The following AGAP3 variants were observed in gnomAD, a reference collection of about 807,000 sequenced individuals.
AGAP3 encodes arf-GAP with GTPase, ANK repeat and PH domain-containing protein 3.
AGAP3 carries 24 observed loss-of-function variants against 96.9 expected under a neutral mutation model. That is an observed-to-expected ratio of 0.25 (90% CI 0.18 to 0.35). AGAP3 has a LOEUF of 0.35. AGAP3 is among the 10% of genes least tolerant of loss of function. The probability of loss-of-function intolerance (pLI) is 1.00; values close to 1 mark genes in which losing one functional copy is unlikely to be tolerated. For synonymous variants in AGAP3, 563 were observed against 536.1 expected (o/e 1.05, Z -0.69); for missense variants, 876 against 1,254.2 (o/e 0.70, Z 4.55).
intron 1 of AGAP3, among the ~76,000 whole-genome samples, chr7:151,106,343 AT>A (rs1245652608): frequency 6.6e-6 from 1 of 152,058 alleles, no homozygotes; most frequent in Non-Finnish European, 1.5e-5. Context: ...TAAATTATTT[AT>A]TTTTTTGAGA....
At position 151,086,972 on chromosome 7, in the gene AGAP3, G is replaced by A. The variant is rs987638770; in HGVS notation, c.231G>A (p.Glu77=). ...TCCGGGCCGAGATCCAGCGCTTCGA[G>A]TCCGTGCATCCCAATATCTACGCCA... ...AAIRAEIQRF[E]SVHPNIYAIY... Residue 77 remains glutamate, a synonymous_variant, in exon 1 of 18, where the codon GAG becomes GAA. Coordinates refer to ENST00000397238, the MANE Select transcript of AGAP3 (RefSeq NM_031946.7). The A allele has an allele frequency of 6.2e-6, 10 of 1,612,796 alleles. No homozygotes were observed. The highest frequency in any genetic ancestry group is 7.6e-6 in the Non-Finnish European group (9 of 1,179,508).
At chr7:151,104,621 T>C (rs1261806228) in intron 1 of AGAP3, among the ~76,000 whole-genome samples, 1 of 152,100 alleles carries the variant, frequency 6.6e-6, no homozygotes, top group African/African-American at 2.4e-5. Flanking sequence ...GGTTCCCCGG[T>C]TGGAAGAGCA....
In AGAP3 at chr7:151,118,110, C is replaced by T; in HGVS notation, c.707-100C>T. ...CTTGGTGCTCTGTGTGTTCCACTCA[C>T]CAGGCCCTTTGCACACCTGCCCTTG... On this transcript the variant is annotated intron_variant, in intron 5 of 17. Transcript: ENST00000397238. This position sits in a 1 kb window ranked among gnomAD's most constrained non-coding sequence, Gnocchi z 6.1. 6.8e-7 allele frequency: 1 copy of T among 1,468,448 alleles called. No homozygotes were observed. The highest frequency in any genetic ancestry group is 9.2e-7 in the Non-Finnish European group (1 of 1,082,714). 91.0% of individuals were successfully genotyped at this position (1,468,448 alleles called of 1,614,324 possible). A position where few individuals can be genotyped will look rare whatever the true frequency, so the allele number is the denominator to read the frequency against.
At chr7:151,126,047 CGGGCGGGTGGGTGGGGTG>C (rs1357400753) in intron 9 of AGAP3, among the ~76,000 whole-genome samples, 1 of 11,446 alleles carries the variant, frequency 8.7e-5, no homozygotes, top group Non-Finnish European at 1.7e-4. Context: ...TTCCCGGGAG[CGGGCGGGTGGGTGGGGTG>C]GGGCGGGGCT....
rs1800733852 is a variant in AGAP3, at chr7:151,139,404, C to CG, written c.1667-573dup. On this transcript the variant is annotated intron_variant, in intron 12 of 17. Transcript: ENST00000397238. The surrounding 1 kb of genome is among the most constrained non-coding windows in gnomAD (Gnocchi z 4.9). ...GCCAGGGGCCCTTCCCTTGGGTCAC[C>CG]GGTCCGGTGGCCTGTGCTGGCCTGC... is the stretch of plus-strand genomic sequence containing the variant. 6.6e-6 allele frequency among the ~76,000 whole-genome samples: 1 copy of CG among 152,176 alleles called. No individual in the cohort carries two copies. The highest frequency in any genetic ancestry group is 1.5e-5 in the Non-Finnish European group (1 of 68,032).
intron 8 of AGAP3, chr7:151,120,753 C>T: frequency 8.3e-7 from 1 of 1,199,732 alleles, no homozygotes; most frequent in Non-Finnish European, 1.1e-6. Flanking sequence ...CAGGTTTGTC[C>T]TGTCTCCTTG....
chr7:151,128,480 C>T (rs2288650), intron 9 of AGAP3, 100 bp from the exon 10 acceptor site: 693,804 of 960,294 alleles, frequency 0.72, 251,585 homozygotes, highest in Admixed American at 0.81. Flanking sequence ...CCAGGAGAAG[C>T]GGGGAGGGGG....
In AGAP3 at chr7:151,086,939, C is replaced by T; in HGVS notation, c.198C>T (p.Ser66=). Reference sequence around the variant, plus strand: ...CCCAGCAGTTCGCGCTCTCCAACTCCGCGGCCATCCGGGCCGAGATCCAGC... The same window carrying T: ...CCCAGCAGTTCGCGCTCTCCAACTCTGCGGCCATCCGGGCCGAGATCCAGC... ...GPPQQFALSN[S]AAIRAEIQRF... is the part of the protein sequence containing the mutation. Residue 66 remains serine, a synonymous_variant, in exon 1 of 18, where the codon TCC becomes TCT. Coordinates refer to ENST00000397238, the MANE Select transcript of AGAP3 (RefSeq NM_031946.7). 6.2e-7 allele frequency: 1 copy of T among 1,610,276 alleles called. No homozygotes were observed. The highest frequency in any genetic ancestry group is 8.5e-7 in the Non-Finnish European group (1 of 1,178,570).
In AGAP3 at chr7:151,117,166, G is replaced by A; in HGVS notation, c.462G>A (p.Gln154=). Residue 154 remains glutamine (Q), a synonymous_variant, in exon 3 of 18, where the codon CAG becomes CAA. Coordinates refer to ENST00000397238, the MANE Select transcript of AGAP3 (RefSeq NM_031946.7). The part of the protein sequence containing the change: ...VHRYLTGTYV[Q]EESPEGGRFK... ...GCTATCTGACGGGGACCTATGTCCA[G>A]GAGGAGTCCCCTGAAGGTGAGCGTC... The A allele has an allele frequency of 6.2e-7, 1 of 1,613,924 alleles. No individual in the cohort carries two copies. Among genetic ancestry groups the A allele is most frequent in the Non-Finnish European group, 8.5e-7 (1 of 1,179,820 alleles).
chr7:151,117,408 G>C lies in AGAP3; in HGVS notation c.516G>C (p.Gln172His). Reference sequence around the variant, plus strand: ...AGAAGGAGATTGTGGTGGATGGCCAGAGTTACCTGCTGCTGATCCGAGATG... The same window carrying C: ...AGAAGGAGATTGTGGTGGATGGCCACAGTTACCTGCTGCTGATCCGAGATG... Reference protein sequence around the residue: ...RFKKEIVVDGQSYLLLIRDEG... With the variant: ...RFKKEIVVDGHSYLLLIRDEG... Residue 172 changes from glutamine (Q) to histidine (H), a missense_variant, in exon 4 of 18, where the codon CAG becomes CAC. Transcript: ENST00000397238. 1 of 1,614,216 alleles carries C rather than the reference G, an allele frequency of 6.2e-7. No homozygotes were observed. The highest frequency in any genetic ancestry group is 1.1e-5 in the South Asian group (1 of 91,082).
chr7:151,120,482 A>G (rs1277828571), intron 8 of AGAP3: 3 of 641,988 alleles, frequency 4.7e-6, no homozygotes, highest in Admixed American at 4.4e-5. Context: ...CCTTGGACTC[A>G]CTTGGCCTAA....
At chr7:151,129,991 C>T (rs1322596065) in intron 10 of AGAP3, among the ~76,000 whole-genome samples, 1 of 152,230 alleles carries the variant, frequency 6.6e-6, no homozygotes, top group Non-Finnish European at 1.5e-5. Context: ...GGAGACTGCA[C>T]CAGCGTCTTC....
At chr7:151,126,882 AGCAGGATGTGTCT>A (rs1160776888) in intron 9 of AGAP3, among the ~76,000 whole-genome samples, 1 of 152,230 alleles carries the variant, frequency 6.6e-6, no homozygotes, top group Non-Finnish European at 1.5e-5. Flanking sequence ...GGGGCCAGGT[AGCAGGATGTGTCT>A]GCACATGGCC....
chr7:151,123,082 G>A, intron 8 of AGAP3: 2 of 1,214,532 alleles, frequency 1.6e-6, no homozygotes, highest in Non-Finnish European at 2.1e-6. Flanking sequence ...CCAGAGGGGC[G>A]GGGGAGTCCA....
intron 10 of AGAP3, among the ~76,000 whole-genome samples, chr7:151,132,097 G>A (rs1056158992): frequency 6.6e-6 from 1 of 152,230 alleles, no homozygotes; most frequent in Admixed American, 6.5e-5. Flanking sequence ...CTGAAAGCAA[G>A]ACAGAGGGCC....
chr7:151,086,414 G>A (rs931432032), upstream of AGAP3, among the ~76,000 whole-genome samples: 102 of 143,494 alleles, frequency 7.1e-4, no homozygotes, highest in African/African-American at 2.5e-3. Context: ...AGCCGGCGGG[G>A]GCGGCGGTGC....
chr7:151,129,905 ATTTCC>A (rs923948035), intron 10 of AGAP3, among the ~76,000 whole-genome samples: 2 of 152,196 alleles, frequency 1.3e-5, no homozygotes, highest in African/African-American at 4.8e-5. Flanking sequence ...GAGCCCCAGT[ATTTCC>A]CTGTTGAAAG....
intron 1 of AGAP3, among the ~76,000 whole-genome samples, chr7:151,109,056 G>A (rs1412044588): frequency 2.0e-5 from 3 of 151,968 alleles, no homozygotes; most frequent in Admixed American, 6.6e-5. Flanking sequence ...AGCTGGCTGC[G>A]GTGGCCCATG....
intron 1 of AGAP3, among the ~76,000 whole-genome samples, chr7:151,095,325 G>A (rs897248803): frequency 6.6e-6 from 1 of 152,204 alleles, no homozygotes; most frequent in Non-Finnish European, 1.5e-5. Context: ...GGCTGAGGCT[G>A]GCTGTGCCCG....
Sources: allele counts gnomAD v4.1 joint callset (sites outside exome capture counted in the v4.1 genomes callset), GRCh38; gene constraint gnomAD v4.1.1; non-coding constraint Gnocchi (gnomAD v3.1); transcripts MANE v1.5; gene names NCBI Gene and HGNC (gene_info 2026-07-23, HGNC 2026-07-21).